Variants in RTL8C observed in about 807,000 individuals in gnomAD.
RTL8C encodes the protein retrotransposon Gag-like protein 8C.
RTL8C carries 1 observed loss-of-function variant against 5.0 expected under a neutral mutation model. The observed-to-expected ratio is 0.20, with a 90% CI of 0.07 to 0.95. The LOEUF (loss-of-function observed/expected upper bound fraction) is 0.95. RTL8C is among the 40% of genes least tolerant of loss of function. RTL8C has a pLI of 0.63. For synonymous variants in RTL8C, 37 were observed against 44.5 expected (o/e 0.83, Z 0.67); for missense variants, 39 against 99.3 (o/e 0.39, Z 2.58).
In RTL8C at chrX:135,033,303, C is replaced by T. The variant is rs868376411; in HGVS notation, c.*578C>T. 3.3e-6 allele frequency: 1 copy of T among 307,676 alleles called. No individual in the cohort carries two copies. Among genetic ancestry groups the T allele is most frequent in the African/African-American group, 2.7e-5 (1 of 37,283 alleles). 25.4% of individuals were successfully genotyped at this position (307,676 alleles called of 1,213,427 possible). A position where few individuals can be genotyped will look rare whatever the true frequency, so the allele number is the denominator to read the frequency against. ...CAGCGAGACCTATTTCCTCCCCACC[C>T]CCAGAAACCTCTTGTGTTCTTGCCT... On this transcript the variant is annotated 3_prime_UTR_variant, in exon 1 of 1. Coordinates refer to ENST00000257013, the MANE Select transcript of RTL8C (RefSeq NM_001078171.2).
At position 135,032,647 on chromosome X, in the gene RTL8C, C is replaced by T. The variant is rs749481905; in HGVS notation, c.264C>T (p.Ser88=). The T allele has an allele frequency of 6.6e-6, 8 of 1,205,930 alleles. No individual in the cohort carries two copies. The highest frequency in any genetic ancestry group is 9.0e-6 in the Non-Finnish European group (8 of 892,738). ...TGATCCCCTACATCAAGAAGGAGAG[C>T]CCCCTCCTCAATGATTACCGGGGCT... ...QWVIPYIKKE[S]PLLNDYRGFL... is the part of the protein sequence containing the mutation. The change falls in exon 1 of 1, where the codon AGC becomes AGT. Residue 88 remains serine, a synonymous_variant. Transcript: ENST00000257013.
Position 135,033,306 on chromosome X carries a change from A to G in RTL8C, c.*581A>G. ...CGAGACCTATTTCCTCCCCACCCCCAGAAACCTCTTGTGTTCTTGCCTAGG... is the reference window on the plus strand; with the variant it reads ...CGAGACCTATTTCCTCCCCACCCCCGGAAACCTCTTGTGTTCTTGCCTAGG... On this transcript the variant is annotated 3_prime_UTR_variant, in exon 1 of 1. Coordinates refer to ENST00000257013, the MANE Select transcript of RTL8C (RefSeq NM_001078171.2). 3.3e-6 allele frequency: 1 copy of G among 307,635 alleles called. No homozygotes were observed. Among genetic ancestry groups the G allele is most frequent in the East Asian group, 1.0e-4 (1 of 9,542 alleles). 25.4% of individuals were successfully genotyped at this position (307,635 alleles called of 1,213,427 possible). A position where few individuals can be genotyped will look rare whatever the true frequency, so the allele number is the denominator to read the frequency against.
In RTL8C at chrX:135,032,909, C is replaced by G; in HGVS notation, c.*184C>G. ...TGCCTTTGTTCCAGGAATAGCGCTC[C>G]AGGCTCCTGCTGCCGCCCCTGGGCC... On this transcript the variant is annotated 3_prime_UTR_variant, in exon 1 of 1. Coordinates refer to ENST00000257013, the MANE Select transcript of RTL8C (RefSeq NM_001078171.2). 1 of 1,102,483 alleles carries G rather than the reference C, an allele frequency of 9.1e-7. No individual in the cohort carries two copies. Among genetic ancestry groups the G allele is most frequent in the Non-Finnish European group, 1.2e-6 (1 of 843,965 alleles). The allele number at this position is 1,102,483 out of a possible 1,213,427, so 90.9% of individuals were successfully genotyped here. A position where few individuals can be genotyped will look rare whatever the true frequency, so the allele number is the denominator to read the frequency against.
Position 135,032,657 on chromosome X carries a change from A to G in RTL8C, c.274A>G (p.Asn92Asp), listed in dbSNP as rs761975571. The change falls in exon 1 of 1, where the codon AAT becomes GAT. Residue 92 changes from asparagine (N) to aspartate (D), a missense_variant. By Grantham distance (23) the Asn-to-Asp change is conservative. Transcript: ENST00000257013. ...CATCAAGAAGGAGAGCCCCCTCCTC[A>G]ATGATTACCGGGGCTTTCTGGCCGA... ...PYIKKESPLLNDYRGFLAEMK... is the reference protein window; with the variant it reads ...PYIKKESPLLDDYRGFLAEMK... 4 of 1,206,159 alleles carry G rather than the reference A, an allele frequency of 3.3e-6. No homozygotes were observed. Among genetic ancestry groups the G allele is most frequent in the Admixed American group, 2.2e-5 (1 of 45,624 alleles).
rs376131463 is a variant in RTL8C at position 135,033,424 on chromosome X, GTC to G, written c.*705_*706del. The G allele has an allele frequency of 4.1e-3, 965 of 237,902 alleles. 10 individuals carry two copies. Among genetic ancestry groups the G allele is most frequent in the African/African-American group, 0.027 (922 of 34,567 alleles). The allele number at this position is 237,902 out of a possible 1,213,427, so 19.6% of individuals were successfully genotyped here. ...AACGCAGTATTCTGAGTTTGCAACTGTCTCTCTGATGTGTGCCTTTTGTTCAA... is the reference window on the plus strand; with the variant it reads ...AACGCAGTATTCTGAGTTTGCAACTGTCTCTGATGTGTGCCTTTTGTTCAA... On this transcript the variant is annotated 3_prime_UTR_variant, in exon 1 of 1. Transcript: ENST00000257013.
Position 135,033,267 on chromosome X carries a change from T to A in RTL8C, c.*542T>A, listed in dbSNP as rs2083296302. 1 of 383,143 alleles carries A rather than the reference T, an allele frequency of 2.6e-6. No homozygotes were observed. The highest frequency in any genetic ancestry group is 1.0e-4 in the East Asian group (1 of 9,992). The allele number at this position is 383,143 out of a possible 1,213,427, so 31.6% of individuals were successfully genotyped here. A position where few individuals can be genotyped will look rare whatever the true frequency, so the allele number is the denominator to read the frequency against. On this transcript the variant is annotated 3_prime_UTR_variant, in exon 1 of 1. Transcript: ENST00000257013. ...AGACAGCTGGCCGCCCCCCAAGGGA[T>A]CTGTCACCTTCAGCGAGACCTATTT...
In RTL8C at chrX:135,033,431, T is replaced by A. The variant is rs1024033839; in HGVS notation, c.*706T>A. Reference sequence around the variant, plus strand: ...TATTCTGAGTTTGCAACTGTCTCTCTGATGTGTGCCTTTTGTTCAACACAG... The same window carrying A: ...TATTCTGAGTTTGCAACTGTCTCTCAGATGTGTGCCTTTTGTTCAACACAG... On this transcript the variant is annotated 3_prime_UTR_variant, in exon 1 of 1. Transcript: ENST00000257013. 1 of 229,955 alleles carries A rather than the reference T, an allele frequency of 4.3e-6. No homozygotes were observed. Among genetic ancestry groups the A allele is most frequent in the African/African-American group, 2.9e-5 (1 of 34,261 alleles). The allele number at this position is 229,955 out of a possible 1,213,427, so 19.0% of individuals were successfully genotyped here. A position where few individuals can be genotyped will look rare whatever the true frequency, so the allele number is the denominator to read the frequency against.
At position 135,033,109 on chromosome X, in the gene RTL8C, A is replaced by C; in HGVS notation, c.*384A>C. 2 of 959,383 alleles carry C rather than the reference A, an allele frequency of 2.1e-6. No homozygotes were observed. The highest frequency in any genetic ancestry group is 1.4e-6 in the Non-Finnish European group (1 of 728,194). The allele number at this position is 959,383 out of a possible 1,213,427, so 79.1% of individuals were successfully genotyped here. On this transcript the variant is annotated 3_prime_UTR_variant, in exon 1 of 1. Coordinates refer to ENST00000257013, the MANE Select transcript of RTL8C (RefSeq NM_001078171.2). Reference sequence around the variant, plus strand: ...CCCCACCAGACTGCCAGACGACTACATCATTCTGCCCACAGACCTGCGCTG... The same window carrying C: ...CCCCACCAGACTGCCAGACGACTACCTCATTCTGCCCACAGACCTGCGCTG...
Position 135,033,501 on chromosome X carries a change from G to C in RTL8C, c.*776G>C, listed in dbSNP as rs1265945696. On this transcript the variant is annotated 3_prime_UTR_variant, in exon 1 of 1. Coordinates refer to ENST00000257013, the MANE Select transcript of RTL8C (RefSeq NM_001078171.2). ...TGCTCTAATACACTACCTGGAGAAAGTCTTTTCCTTATTTTCAATAAATGT... is the reference window on the plus strand; with the variant it reads ...TGCTCTAATACACTACCTGGAGAAACTCTTTTCCTTATTTTCAATAAATGT... The C allele has an allele frequency of 7.0e-6, 1 of 142,903 alleles. No homozygotes were observed. The highest frequency in any genetic ancestry group is 3.2e-5 in the African/African-American group (1 of 31,515). 11.8% of individuals were successfully genotyped at this position (142,903 alleles called of 1,213,427 possible).
chrX:135,032,835 C>T lies in RTL8C; in HGVS notation c.*110C>T, dbSNP rs1206388877. 3.5e-6 allele frequency: 4 copies of T among 1,132,524 alleles called. No homozygotes were observed. In the East Asian group the frequency reaches 9.8e-5, roughly 28 times the overall value. 93.3% of individuals were successfully genotyped at this position (1,132,524 alleles called of 1,213,427 possible). ...CCTCCCTCCGCGCCTCCCTCCCCCT[C>T]GAGCCGCCGCGATGTCCCCTGCGCT... is the stretch of plus-strand genomic sequence containing the variant. On this transcript the variant is annotated 3_prime_UTR_variant, in exon 1 of 1. Transcript: ENST00000257013.
chrX:135,032,656 C>T lies in RTL8C; in HGVS notation c.273C>T (p.Leu91=). ...IPYIKKESPL[L]NDYRGFLAEM... ...ACATCAAGAAGGAGAGCCCCCTCCT[C>T]AATGATTACCGGGGCTTTCTGGCCG... Residue 91 remains leucine (L), a synonymous_variant, in exon 1 of 1, where the codon CTC becomes CTT. Transcript: ENST00000257013. The T allele has an allele frequency of 8.3e-7, 1 of 1,207,374 alleles. No individual in the cohort carries two copies. The highest frequency in any genetic ancestry group is 1.1e-6 in the Non-Finnish European group (1 of 893,106).
rs1373266696 is a variant in RTL8C, at chrX:135,033,102, C to T, written c.*377C>T. ...CTCTCCTCCCCACCAGACTGCCAGACGACTACATCATTCTGCCCACAGACC... is the reference window on the plus strand; with the variant it reads ...CTCTCCTCCCCACCAGACTGCCAGATGACTACATCATTCTGCCCACAGACC... On this transcript the variant is annotated 3_prime_UTR_variant, in exon 1 of 1. Coordinates refer to ENST00000257013, the MANE Select transcript of RTL8C (RefSeq NM_001078171.2). The T allele has an allele frequency of 1.5e-5, 14 of 961,475 alleles. No homozygotes were observed. The highest frequency in any genetic ancestry group is 1.6e-5 in the Non-Finnish European group (12 of 728,281). The allele number at this position is 961,475 out of a possible 1,213,427, so 79.2% of individuals were successfully genotyped here.
Position 135,033,438 on chromosome X carries a change from T to C in RTL8C, c.*713T>C. 4.4e-6 allele frequency: 1 copy of C among 229,807 alleles called. No homozygotes were observed. Among genetic ancestry groups the C allele is most frequent in the Admixed American group, 5.6e-5 (1 of 17,779 alleles). 18.9% of individuals were successfully genotyped at this position (229,807 alleles called of 1,213,427 possible). A position where few individuals can be genotyped will look rare whatever the true frequency, so the allele number is the denominator to read the frequency against. On this transcript the variant is annotated 3_prime_UTR_variant, in exon 1 of 1. Transcript: ENST00000257013. Reference sequence around the variant, plus strand: ...AGTTTGCAACTGTCTCTCTGATGTGTGCCTTTTGTTCAACACAGTAACCCC... The same window carrying C: ...AGTTTGCAACTGTCTCTCTGATGTGCGCCTTTTGTTCAACACAGTAACCCC...
chrX:135,033,356 C>CGAATGAGATTTGAGAAAA lies in RTL8C; in HGVS notation c.*633_*634insATGAGATTTGAGAAAAGA. The CGAATGAGATTTGAGAAAA allele has an allele frequency of 3.8e-6, 1 of 266,126 alleles. No homozygotes were observed. Among genetic ancestry groups the CGAATGAGATTTGAGAAAA allele is most frequent in the East Asian group, 1.1e-4 (1 of 9,452 alleles). The allele number at this position is 266,126 out of a possible 1,213,427, so 21.9% of individuals were successfully genotyped here. A position where few individuals can be genotyped will look rare whatever the true frequency, so the allele number is the denominator to read the frequency against. Reference sequence around the variant, plus strand: ...GCCCAGGTGTTCCTGGCAGCCAAATCGAGTCTCTCATTTTCTCTTGTGGAC... The same window carrying CGAATGAGATTTGAGAAAA: ...GCCCAGGTGTTCCTGGCAGCCAAATCGAATGAGATTTGAGAAAAGAGTCTCTCATTTTCTCTTGTGGAC... On this transcript the variant is annotated 3_prime_UTR_variant, in exon 1 of 1. Transcript: ENST00000257013.
chrX:135,032,998 A>G lies in RTL8C; in HGVS notation c.*273A>G. 1 of 1,049,369 alleles carries G rather than the reference A, an allele frequency of 9.5e-7. No individual in the cohort carries two copies. Among genetic ancestry groups the G allele is most frequent in the Non-Finnish European group, 1.3e-6 (1 of 796,716 alleles). 86.5% of individuals were successfully genotyped at this position (1,049,369 alleles called of 1,213,427 possible). ...GCCAGCCCCTCCCATGTACATTTGGACGCTGTCCTGCGCTCCAGCTGCAAG... is the reference window on the plus strand; with the variant it reads ...GCCAGCCCCTCCCATGTACATTTGGGCGCTGTCCTGCGCTCCAGCTGCAAG... On this transcript the variant is annotated 3_prime_UTR_variant, in exon 1 of 1. Coordinates refer to ENST00000257013, the MANE Select transcript of RTL8C (RefSeq NM_001078171.2).
Position 135,033,184 on chromosome X carries a change from G to A in RTL8C, c.*459G>A. On this transcript the variant is annotated 3_prime_UTR_variant, in exon 1 of 1. Transcript: ENST00000257013. ...TCCCACCGACAGACTGCTGCTCCTA[G>A]TGATCTGGACTCACCTCGGAGGTAT... 1 of 854,265 alleles carries A rather than the reference G, an allele frequency of 1.2e-6. No homozygotes were observed. Among genetic ancestry groups the A allele is most frequent in the Non-Finnish European group, 1.6e-6 (1 of 637,598 alleles). The allele number at this position is 854,265 out of a possible 1,213,427, so 70.4% of individuals were successfully genotyped here.
chrX:135,032,923 C>A lies in RTL8C; in HGVS notation c.*198C>A. The A allele has an allele frequency of 3.6e-6, 4 of 1,099,247 alleles. No individual in the cohort carries two copies. In the South Asian group the frequency reaches 9.3e-5, roughly 26 times the overall value. 90.6% of individuals were successfully genotyped at this position (1,099,247 alleles called of 1,213,427 possible). ...GAATAGCGCTCCAGGCTCCTGCTGC[C>A]GCCCCTGGGCCTCACTCTGGAGCGA... On this transcript the variant is annotated 3_prime_UTR_variant, in exon 1 of 1. Transcript: ENST00000257013.
rs753746466 is a variant in RTL8C at position 135,032,515 on chromosome X, C to A, written c.132C>A (p.Ile44=). ...ATACCGACCGACTCCCGGAGTTCAT[C>A]GTGCAGACGGGCTCCTACATGTTCG... ...DGDTDRLPEF[I]VQTGSYMFVD... The change falls in exon 1 of 1, where the codon ATC becomes ATA. Residue 44 remains isoleucine (I), a synonymous_variant. Coordinates refer to ENST00000257013, the MANE Select transcript of RTL8C (RefSeq NM_001078171.2). 1.7e-6 allele frequency: 2 copies of A among 1,211,934 alleles called. No homozygotes were observed. Among genetic ancestry groups the A allele is most frequent in the Admixed American group, 4.3e-5 (2 of 46,168 alleles).
Position 135,033,061 on chromosome X carries a change from C to A in RTL8C, c.*336C>A. 1 of 937,132 alleles carries A rather than the reference C, an allele frequency of 1.1e-6. No individual in the cohort carries two copies. The highest frequency in any genetic ancestry group is 2.2e-5 in the South Asian group (1 of 45,890). 77.2% of individuals were successfully genotyped at this position (937,132 alleles called of 1,213,427 possible). On this transcript the variant is annotated 3_prime_UTR_variant, in exon 1 of 1. Transcript: ENST00000257013. ...TACACACTGGACAGACCACCCACTG[C>A]CGCCGCTGCCAAGCCCTCTCCTCCC...
Sources: allele counts gnomAD v4.1 joint callset, GRCh38; gene constraint gnomAD v4.1.1; transcripts MANE v1.5; gene names NCBI Gene and HGNC (gene_info 2026-07-23, HGNC 2026-07-21).